IQSEC1: variants seen among roughly 807,000 people sequenced by gnomAD.
The protein encoded by IQSEC1 is IQ motif and Sec7 domain ArfGEF 1.
A neutral mutation model predicts 91.0 loss-of-function variants in IQSEC1; 31 were observed. The ratio of observed to expected loss-of-function variants is 0.34; its 90% confidence interval spans 0.26 to 0.46. The LOEUF (loss-of-function observed/expected upper bound fraction) is 0.46. Ranked by LOEUF, IQSEC1 falls within the 20% of genes least tolerant of loss-of-function variation. The probability of loss-of-function intolerance (pLI) is 1.00; values close to 1 mark genes in which losing one functional copy is unlikely to be tolerated. For synonymous variants in IQSEC1, 699 were observed against 662.6 expected (o/e 1.05, Z -0.84); for missense variants, 1,388 against 1,575.6 (o/e 0.88, Z 2.02).
chr3:13,231,045 A>G (rs1424876944), intron 1 of IQSEC1, among the ~76,000 whole-genome samples: 1 of 152,198 alleles, frequency 6.6e-6, no homozygotes, highest in East Asian at 1.9e-4. Flanking sequence ...TGATTTTACC[A>G]TAAATTTGAT....
In IQSEC1 at chr3:12,900,638, A is replaced by T; in HGVS notation, c.*345T>A. On this transcript the variant is annotated 3_prime_UTR_variant, in exon 14 of 14. Coordinates refer to ENST00000613206, the MANE Select transcript of IQSEC1 (RefSeq NM_001134382.3). The stretch of plus-strand genomic sequence containing the variant: ...TCTTCGTTTTCTAGGTTGGGTTTTC[A>T]TATGCATGTACATTAGGGCACAGGG... 1 of 1,117,674 alleles carries T rather than the reference A, an allele frequency of 8.9e-7. No homozygotes were observed. Among genetic ancestry groups the T allele is most frequent in the Non-Finnish European group, 1.1e-6 (1 of 912,674 alleles). 69.2% of individuals were successfully genotyped at this position (1,117,674 alleles called of 1,614,324 possible). A position where few individuals can be genotyped will look rare whatever the true frequency, so the allele number is the denominator to read the frequency against.
intron 1 of IQSEC1, among the ~76,000 whole-genome samples, chr3:12,978,366 C>T (rs947601807): frequency 2.0e-5 from 3 of 152,104 alleles, no homozygotes; most frequent in Non-Finnish European, 4.4e-5. Context: ...TGCAAATTCC[C>T]ACCCCCCAGA....
intron 1 of IQSEC1, among the ~76,000 whole-genome samples, chr3:13,036,817 A>G (rs1026494456): frequency 2.6e-5 from 4 of 152,242 alleles, no homozygotes; most frequent in Non-Finnish European, 5.9e-5. Flanking sequence ...TTCTAACAGA[A>G]GCAATCTGTG....
At chr3:12,945,969 C>T (rs539556026) in intron 1 of IQSEC1, among the ~76,000 whole-genome samples, 1 of 152,224 alleles carries the variant, frequency 6.6e-6, no homozygotes, top group Non-Finnish European at 1.5e-5. Flanking sequence ...TACAGCAACA[C>T]TCTGGGCTCT....
At chr3:13,121,887 C>G (rs144562372) in intron 2 of IQSEC1, among the ~76,000 whole-genome samples, 1 of 152,182 alleles carries the variant, frequency 6.6e-6, no homozygotes. Flanking sequence ...TACGGAACTG[C>G]CCCCTGGGCT....
chr3:12,984,287 T>C (rs746268674), intron 1 of IQSEC1, among the ~76,000 whole-genome samples: 7 of 152,206 alleles, frequency 4.6e-5, no homozygotes, highest in Non-Finnish European at 1.0e-4. Context: ...GGAGACCCCA[T>C]GCCTTTGCTA....
intron 2 of IQSEC1, among the ~76,000 whole-genome samples, chr3:13,161,164 C>A (rs150949447): frequency 2.0e-5 from 3 of 152,108 alleles, no homozygotes; most frequent in African/African-American, 7.2e-5. Flanking sequence ...TTTAGAAAGG[C>A]GAGTGGCATC....
At chr3:13,058,816 T>A (rs904760824) in intron 1 of IQSEC1, among the ~76,000 whole-genome samples, 3 of 152,188 alleles carry the variant, frequency 2.0e-5, no homozygotes, top group Middle Eastern at 3.2e-3. Flanking sequence ...TCCCCATGCA[T>A]CTGTCTCCAC....
At chr3:13,240,932 G>GA (rs1002425859) in intron 1 of IQSEC1, among the ~76,000 whole-genome samples, 3 of 152,090 alleles carry the variant, frequency 2.0e-5, no homozygotes, top group Admixed American at 6.5e-5. Context: ...GTAGTTCTTG[G>GA]AAAAAAACAG....
At chr3:13,232,318 G>C (rs544142221) in intron 1 of IQSEC1, among the ~76,000 whole-genome samples, 1 of 152,186 alleles carries the variant, frequency 6.6e-6, no homozygotes, top group East Asian at 1.9e-4. Flanking sequence ...CACCAACGCC[G>C]AGTGGCTTCT....
intron 2 of IQSEC1, among the ~76,000 whole-genome samples, chr3:13,079,077 A>C (rs751530339): frequency 3.3e-5 from 5 of 152,210 alleles, no homozygotes; most frequent in Admixed American, 6.5e-5. Context: ...GGGTGTCCCA[A>C]CCTGGCAACT....
intron 1 of IQSEC1, among the ~76,000 whole-genome samples, chr3:13,260,870 C>A (rs1045983365): frequency 6.6e-6 from 1 of 152,208 alleles, no homozygotes; most frequent in Non-Finnish European, 1.5e-5. Flanking sequence ...GTCCTCTGTG[C>A]TGAGCAGGAC....
chr3:13,021,442 C>T (rs1029604073), intron 1 of IQSEC1, among the ~76,000 whole-genome samples: 2 of 152,220 alleles, frequency 1.3e-5, no homozygotes, highest in Admixed American at 6.5e-5. Flanking sequence ...GCTGGCACCG[C>T]ACCGGGCCCT....
At chr3:13,006,983 C>CT (rs1702664551) in intron 1 of IQSEC1, among the ~76,000 whole-genome samples, 1 of 152,232 alleles carries the variant, frequency 6.6e-6, no homozygotes, top group Non-Finnish European at 1.5e-5. Context: ...GGGTATCTCT[C>CT]TCCCCATTTT....
chr3:12,995,798 G>A (rs1458030164), intron 1 of IQSEC1, among the ~76,000 whole-genome samples: 2 of 152,244 alleles, frequency 1.3e-5, no homozygotes, highest in African/African-American at 4.8e-5. Flanking sequence ...CTGTACAGTG[G>A]ATCCCCTGGG....
rs114540331 is a variant in IQSEC1, at chr3:13,066,829, G to A, written c.23+6163C>T. On this transcript the variant is annotated intron_variant, in intron 1 of 13. Transcript: ENST00000613206. ...GGGCGGGCCTGGTCCATTTACAGGC[G>A]TAGCCCACAGGCCTGGCGTGTGTCA... Among the ~76,000 whole-genome samples the A allele has an allele frequency of 8.0e-3, 1,220 of 152,348 alleles. 12 individuals are homozygous for A. Among genetic ancestry groups the A allele is most frequent in the African/African-American group, 0.027 (1,117 of 41,588 alleles).
chr3:13,084,544 C>A (rs1050667831), intron 2 of IQSEC1, among the ~76,000 whole-genome samples: 4 of 152,216 alleles, frequency 2.6e-5, no homozygotes, highest in African/African-American at 9.7e-5. Flanking sequence ...AGACGGACAT[C>A]AGATGATGAC....
chr3:13,244,824 C>T (rs545966585), intron 1 of IQSEC1, among the ~76,000 whole-genome samples: 2 of 152,314 alleles, frequency 1.3e-5, no homozygotes, highest in East Asian at 3.9e-4. Context: ...GCCTGTAACT[C>T]TCAAACAACA....
intron 1 of IQSEC1, among the ~76,000 whole-genome samples, chr3:12,957,331 G>T (rs749873274): frequency 7.9e-5 from 12 of 152,152 alleles, no homozygotes; most frequent in Non-Finnish European, 1.6e-4. Flanking sequence ...GCTTGTCCCT[G>T]GCTAAGAAGG....
Sources: gnomAD v4.1 joint callset for allele counts (sites outside exome capture counted in the v4.1 genomes callset) on GRCh38, gnomAD v4.1.1 for gene constraint, MANE v1.5 for transcripts, NCBI Gene and HGNC (gene_info 2026-07-23, HGNC 2026-07-21) for gene names.